The following OTOP1 variants were observed in gnomAD, a reference collection of about 807,000 sequenced individuals.
OTOP1 encodes proton channel OTOP1.
OTOP1 carries 59 observed loss-of-function variants against 52.9 expected under a neutral mutation model. That is an observed-to-expected ratio of 1.12 (90% CI 0.91 to 1.39). The LOEUF is 1.39. Among genes scored for constraint, OTOP1 ranks in the 40% most tolerant of loss-of-function variants. OTOP1 has a pLI of 0.00. For synonymous variants in OTOP1, 317 were observed against 337.7 expected (o/e 0.94, Z 0.67); for missense variants, 761 against 800.9 (o/e 0.95, Z 0.60).
At chr4:4,199,116 G>A (rs1472123441) in intron 4 of OTOP1, among the ~76,000 whole-genome samples, 1 of 152,046 alleles carries the variant, frequency 6.6e-6, no homozygotes, top group Non-Finnish European at 1.5e-5. Flanking sequence ...TTGAACCTAG[G>A]AGGCAGAGGT....
At chr4:4,192,571 C>G (rs1716535966) in intron 5 of OTOP1, among the ~76,000 whole-genome samples, 1 of 152,214 alleles carries the variant, frequency 6.6e-6, no homozygotes, top group South Asian at 2.1e-4. Flanking sequence ...TGAAACAGAA[C>G]ACGTCCATTA....
rs569758209 is a variant in OTOP1 at position 4,188,741 on chromosome 4, C to T, written c.*62G>A. 3.7e-5 allele frequency: 53 copies of T among 1,432,868 alleles called. No homozygotes were observed. Among genetic ancestry groups the T allele is most frequent in the Non-Finnish European group, 4.8e-5 (52 of 1,077,274 alleles). 88.8% of individuals were successfully genotyped at this position (1,432,868 alleles called of 1,614,324 possible). Reference sequence around the variant, plus strand: ...TCAGGCAATATTTGCCCAACCTGGCCACTCCTAGTTGGCTCCAATGAACTC... The same window carrying T: ...TCAGGCAATATTTGCCCAACCTGGCTACTCCTAGTTGGCTCCAATGAACTC... On this transcript the variant is annotated 3_prime_UTR_variant, in exon 6 of 6. Transcript: ENST00000296358.
At chr4:4,216,870 G>A (rs1261380324) in intron 1 of OTOP1, among the ~76,000 whole-genome samples, 5 of 152,224 alleles carry the variant, frequency 3.3e-5, no homozygotes, top group African/African-American at 4.8e-5. Context: ...ATGGTCCACA[G>A]CAGTGGTTCT....
At chr4:4,205,309 C>T (rs539653263) in intron 3 of OTOP1, among the ~76,000 whole-genome samples, 2 of 152,322 alleles carry the variant, frequency 1.3e-5, no homozygotes, top group Admixed American at 6.5e-5. Context: ...TTCTTCTCTA[C>T]AATACTGAAG....
At chr4:4,224,829 G>A (rs1426662108) in intron 1 of OTOP1, among the ~76,000 whole-genome samples, 1 of 140,840 alleles carries the variant, frequency 7.1e-6, no homozygotes, top group African/African-American at 2.7e-5. Context: ...GAGCTTTACA[G>A]AAAGGGGGCC....
intron 1 of OTOP1, among the ~76,000 whole-genome samples, chr4:4,222,470 G>A (rs1309891044): frequency 6.6e-6 from 1 of 152,108 alleles, no homozygotes; most frequent in Admixed American, 6.5e-5. Flanking sequence ...TGCTCAAGGA[G>A]GATGAGACCC....
chr4:4,191,876 T>C lies in OTOP1; in HGVS notation c.1669-2903A>G, dbSNP rs528118379. ...ATAGCAGTCCCTGAACCTCTGTAGG[T>C]ACTCAAGGAACACCTTCTAAAAGAA... is the stretch of plus-strand genomic sequence containing the variant. On this transcript the variant is annotated intron_variant, in intron 5 of 5. Transcript: ENST00000296358. Among the ~76,000 whole-genome samples, 10 of 151,960 alleles carry C rather than the reference T, an allele frequency of 6.6e-5. No homozygotes were observed. In the East Asian group the frequency reaches 1.9e-3, roughly 29 times the overall value.
intron 2 of OTOP1, among the ~76,000 whole-genome samples, chr4:4,209,586 G>T (rs1247309968): frequency 6.6e-6 from 1 of 152,160 alleles, no homozygotes; most frequent in East Asian, 1.9e-4. Context: ...CTAGGTGGTG[G>T]TCAGCCTTGA....
intron 1 of OTOP1, 115 bp from the exon 2 acceptor site, chr4:4,213,119 T>C: frequency 7.5e-7 from 1 of 1,327,210 alleles, no homozygotes. Flanking sequence ...GGTCAAATGA[T>C]TTTTCACAAG....
intron 5 of OTOP1, among the ~76,000 whole-genome samples, chr4:4,196,278 G>T (rs1368631664): frequency 6.6e-6 from 1 of 152,090 alleles, no homozygotes; most frequent in Non-Finnish European, 1.5e-5. Flanking sequence ...TTGGCCAGGC[G>T]TGGGAGCTCA....
chr4:4,189,672 A>G (rs966614149), intron 5 of OTOP1, among the ~76,000 whole-genome samples: 12 of 152,230 alleles, frequency 7.9e-5, no homozygotes, highest in African/African-American at 2.7e-4. Flanking sequence ...TTAGGTTGCA[A>G]AAGGACCTGC....
chr4:4,218,365 A>G (rs1261358955), intron 1 of OTOP1, among the ~76,000 whole-genome samples: 1 of 145,282 alleles, frequency 6.9e-6, no homozygotes, highest in South Asian at 2.2e-4. Context: ...GCACTCCAGC[A>G]TGGGTGACAG....
In OTOP1 at chr4:4,188,961, G is replaced by C. The variant is rs781161496; in HGVS notation, c.1681C>G (p.Pro561Ala). The C allele has an allele frequency of 3.7e-6, 6 of 1,612,490 alleles. No homozygotes were observed. The highest frequency in any genetic ancestry group is 5.1e-6 in the Non-Finnish European group (6 of 1,179,242). Residue 561 changes from proline to alanine, a missense_variant, in exon 6 of 6, where the codon CCC becomes GCC. By Grantham distance (27) the Pro-to-Ala change is conservative. This residue lies in a region of OTOP1 where 632 missense variants were observed against 619.5 expected (regional missense o/e 1.02). Transcript: ENST00000296358. ...TACTCAGGTCGACAGCCAAAGGCGG[G>C]AGGTATCCAAAGCTGCAAGAGAAGA... ...FLCNISLWIP[P>A]AFGCRPEYDN...
chr4:4,211,616 G>C (rs1195081848), intron 2 of OTOP1, among the ~76,000 whole-genome samples: 2 of 152,136 alleles, frequency 1.3e-5, no homozygotes, highest in African/African-American at 4.8e-5. Context: ...ACAGACAGTA[G>C]AAGCTGGGCA....
At position 4,202,579 on chromosome 4, in the gene OTOP1, C is replaced by G. The variant is rs1355187286; in HGVS notation, c.600-1G>C. Reference sequence around the variant, plus strand: ...GAACACCGAGTGGATCACTCCAAACCTGAAAAACACAAGGACTCAGTTCTC... The same window carrying G: ...GAACACCGAGTGGATCACTCCAAACGTGAAAAACACAAGGACTCAGTTCTC... On this transcript the variant is annotated splice_acceptor_variant, in intron 3 of 5. Coordinates refer to ENST00000296358, the MANE Select transcript of OTOP1 (RefSeq NM_177998.3). LOFTEE classifies it high-confidence loss of function. 6.2e-7 allele frequency: 1 copy of G among 1,613,474 alleles called. No individual in the cohort carries two copies. Among genetic ancestry groups the G allele is most frequent in the Non-Finnish European group, 8.5e-7 (1 of 1,179,564 alleles).
chr4:4,220,018 C>T (rs1577185099), intron 1 of OTOP1, among the ~76,000 whole-genome samples: 1 of 108,306 alleles, frequency 9.2e-6, no homozygotes. Flanking sequence ...TATGTATATA[C>T]ATGTATATAC....
rs749996991 is a variant in OTOP1 at position 4,226,485 on chromosome 4, T to C, written c.380A>G (p.His127Arg). 1.9e-4 allele frequency: 295 copies of C among 1,552,424 alleles called. 1 individual carries two copies. In the South Asian group the frequency reaches 3.1e-3, roughly 16 times the overall value. The change falls in exon 1 of 6, where the codon CAC (histidine) becomes CGC (arginine). Residue 127 changes from histidine (H) to arginine (R), a missense_variant. Coordinates refer to ENST00000296358, the MANE Select transcript of OTOP1 (RefSeq NM_177998.3). ...ACCGCGCAGCCAGCCGGCACCCGCG[T>C]GCGTGTCCTTGAGGCGGAAGAGGCG... ...HRRLFRLKDT[H>R]AGAGWLRGSI...
rs1560211535 is a variant in OTOP1 at position 4,220,092 on chromosome 4, T to TACGTGTATATACATATATATGTATAC, written c.403+6369_403+6370insGTATACATATATATGTATATACACGT. On this transcript the variant is annotated intron_variant, in intron 1 of 5. Transcript: ENST00000296358. ...ATATATATGTATACATATATATATA[T>TACGTGTATATACATATATATGTATAC]ATATATATATATATTTTTTTTTTTT... Among the ~76,000 whole-genome samples the TACGTGTATATACATATATATGTATAC allele has an allele frequency of 1.1e-3, 110 of 101,618 alleles. 2 individuals carry two copies. Among genetic ancestry groups the TACGTGTATATACATATATATGTATAC allele is most frequent in the African/African-American group, 2.4e-3 (53 of 21,654 alleles). The allele number at this position is 101,618 out of a possible 152,430, so 66.7% of individuals were successfully genotyped here. A position where few individuals can be genotyped will look rare whatever the true frequency, so the allele number is the denominator to read the frequency against.
chr4:4,206,393 G>A (rs1013159676), intron 2 of OTOP1, among the ~76,000 whole-genome samples: 1 of 152,184 alleles, frequency 6.6e-6, no homozygotes, highest in Non-Finnish European at 1.5e-5. Flanking sequence ...TGATATGGGG[G>A]TGATTGATTG....
Sources: allele counts gnomAD v4.1 joint callset (sites outside exome capture counted in the v4.1 genomes callset), GRCh38; gene constraint gnomAD v4.1.1; regional missense constraint gnomAD v4.1.1; transcripts MANE v1.5; gene names NCBI Gene and HGNC (gene_info 2026-07-23, HGNC 2026-07-21).